The following SLC35F1 variants were observed in gnomAD, a reference collection of about 807,000 sequenced individuals.
SLC35F1 encodes the protein solute carrier family 35 member F1.
Under a neutral mutation model 48.7 loss-of-function variants are expected in SLC35F1, and 14 were observed. The observed-to-expected ratio is 0.29, with a 90% CI of 0.19 to 0.45. SLC35F1 has a LOEUF of 0.45. Ranked by LOEUF, SLC35F1 falls within the 20% of genes least tolerant of loss-of-function variation. SLC35F1 has a pLI of 1.00. For missense variants in SLC35F1, 404 were observed against 500.0 expected (o/e 0.81, Z 1.83); for synonymous variants, 190 against 202.2 (o/e 0.94, Z 0.51).
chr6:117,972,938 A>G (rs1776661830), intron 1 of SLC35F1, among the ~76,000 whole-genome samples: 2 of 152,254 alleles, frequency 1.3e-5, no homozygotes, highest in Admixed American at 1.3e-4. Context: ...GATAAATGTT[A>G]AAATTGTGGA....
chr6:118,247,020 A>C (rs1238114803), intron 3 of SLC35F1, among the ~76,000 whole-genome samples: 5 of 152,204 alleles, frequency 3.3e-5, no homozygotes, highest in African/African-American at 1.2e-4. Context: ...CACATAGTAG[A>C]TGCTCAATAA....
intron 1 of SLC35F1, among the ~76,000 whole-genome samples, chr6:118,134,700 G>A (rs1233787548): frequency 6.6e-6 from 1 of 152,120 alleles, no homozygotes; most frequent in African/African-American, 2.4e-5. Flanking sequence ...GCCTTTTTAG[G>A]GGCATGGAGC....
chr6:118,003,322 T>G (rs906809518), intron 1 of SLC35F1, among the ~76,000 whole-genome samples: 4 of 152,218 alleles, frequency 2.6e-5, no homozygotes, highest in Non-Finnish European at 4.4e-5. Context: ...GGATTGTTTA[T>G]GAGATTCTAT....
At chr6:118,043,437 A>C (rs1480694268) in intron 1 of SLC35F1, among the ~76,000 whole-genome samples, 1 of 150,458 alleles carries the variant, frequency 6.6e-6, no homozygotes, top group African/African-American at 2.4e-5. Flanking sequence ...TTTTTTTTGC[A>C]ATTTATGTAG....
intron 2 of SLC35F1, among the ~76,000 whole-genome samples, chr6:118,190,129 G>T (rs952700138): frequency 1.3e-5 from 2 of 152,146 alleles, no homozygotes; most frequent in African/African-American, 4.8e-5. Flanking sequence ...TTGAGAGACT[G>T]ACCAAAATGT....
chr6:118,003,277 G>A lies in SLC35F1; in HGVS notation c.173+95378G>A, dbSNP rs146305289. Among the ~76,000 whole-genome samples, 158 of 152,320 alleles carry A rather than the reference G, an allele frequency of 1.0e-3. 2 individuals carry two copies. In the East Asian group the frequency reaches 0.027, roughly 26 times the overall value. On this transcript the variant is annotated intron_variant, in intron 1 of 7. Coordinates refer to ENST00000360388, the MANE Select transcript of SLC35F1 (RefSeq NM_001029858.4). ...GCTTAGGACTGTCTGAAGAGGTTAA[G>A]ATAACTCTTCCAGCAAATCCAAAAT... is the stretch of plus-strand genomic sequence containing the variant.
intron 1 of SLC35F1, among the ~76,000 whole-genome samples, chr6:118,031,229 C>G (rs868242469): frequency 2.6e-5 from 4 of 152,178 alleles, no homozygotes; most frequent in Middle Eastern, 3.4e-3. Context: ...GTTTCTTTAT[C>G]CCTTACATCT....
chr6:118,225,911 A>T (rs1241618572), intron 2 of SLC35F1, among the ~76,000 whole-genome samples: 5 of 150,878 alleles, frequency 3.3e-5, no homozygotes, highest in Non-Finnish European at 7.4e-5. Flanking sequence ...CAAAGGAAAC[A>T]ATTAACAAAG....
At chr6:118,268,719 C>G (rs1290047660) in intron 4 of SLC35F1, among the ~76,000 whole-genome samples, 1 of 150,584 alleles carries the variant, frequency 6.6e-6, no homozygotes, top group South Asian at 2.1e-4. Context: ...AAGTGATTCC[C>G]CTGCCTCAGC....
At chr6:118,204,581 A>T (rs1774911066) in intron 2 of SLC35F1, among the ~76,000 whole-genome samples, 1 of 152,174 alleles carries the variant, frequency 6.6e-6, no homozygotes, top group East Asian at 1.9e-4. Flanking sequence ...CTCAAAAGTG[A>T]CTTACCTACT....
At chr6:118,232,548 CAAAAAAAAAA>C (rs771123566) in intron 2 of SLC35F1, among the ~76,000 whole-genome samples, 2 of 50,698 alleles carry the variant, frequency 3.9e-5, no homozygotes, top group African/African-American at 6.6e-5. Flanking sequence ...AACTCCATCC[CAAAAAAAAAA>C]AAAAAAAAAA....
chr6:118,155,979 T>G (rs1774134270), intron 2 of SLC35F1, among the ~76,000 whole-genome samples: 1 of 152,210 alleles, frequency 6.6e-6, no homozygotes, highest in Admixed American at 6.5e-5. Context: ...ATAGGAGGAA[T>G]AAATATGAAC....
chr6:118,080,467 C>T (rs1269666410), intron 1 of SLC35F1, among the ~76,000 whole-genome samples: 1 of 152,134 alleles, frequency 6.6e-6, no homozygotes, highest in Admixed American at 6.5e-5. Flanking sequence ...CAGAACACAT[C>T]ATGGCTAAAG....
At chr6:117,958,900 C>T (rs1776460157) in intron 1 of SLC35F1, among the ~76,000 whole-genome samples, 1 of 152,292 alleles carries the variant, frequency 6.6e-6, no homozygotes, top group Non-Finnish European at 1.5e-5. Flanking sequence ...TAGTAAAATA[C>T]TCATTCATTT....
Position 118,235,484 on chromosome 6 carries a change from A to G in SLC35F1, c.350-25A>G, listed in dbSNP as rs781766055. The G allele has an allele frequency of 5.0e-6, 8 of 1,607,042 alleles. No individual in the cohort carries two copies. The South Asian group carries it at 8.9e-5, about 18-fold the overall frequency. ...TTATTCTATTTCAGGAACCTAACCCATTTCTTCTTAACTTTGTAACACAGG... is the reference window on the plus strand; with the variant it reads ...TTATTCTATTTCAGGAACCTAACCCGTTTCTTCTTAACTTTGTAACACAGG... On this transcript the variant is annotated intron_variant, in intron 2 of 7. Transcript: ENST00000360388.
At chr6:118,057,210 T>G (rs750257678) in intron 1 of SLC35F1, among the ~76,000 whole-genome samples, 10 of 152,202 alleles carry the variant, frequency 6.6e-5, no homozygotes, top group African/African-American at 1.9e-4. Context: ...TTAGTTTGAT[T>G]AGTGTTTACT....
At chr6:118,187,519 C>T (rs1023738595) in intron 2 of SLC35F1, among the ~76,000 whole-genome samples, 2 of 152,196 alleles carry the variant, frequency 1.3e-5, no homozygotes, top group Non-Finnish European at 2.9e-5. Context: ...GGAATGTACA[C>T]TTTGCTCTGT....
At chr6:118,218,038 T>G (rs151094522) in intron 2 of SLC35F1, among the ~76,000 whole-genome samples, 1 of 152,302 alleles carries the variant, frequency 6.6e-6, no homozygotes, top group East Asian at 1.9e-4. Context: ...TGGCCTGATC[T>G]TCATTCCAAA....
rs535934530 is a variant in SLC35F1 at position 118,298,281 on chromosome 6, G to A, written c.1002+12943G>A. 7.2e-5 allele frequency among the ~76,000 whole-genome samples: 11 copies of A among 152,178 alleles called. 1 individual carries two copies. The highest frequency in any genetic ancestry group is 6.5e-4 in the Admixed American group (10 of 15,290). On this transcript the variant is annotated intron_variant, in intron 7 of 7. Coordinates refer to ENST00000360388, the MANE Select transcript of SLC35F1 (RefSeq NM_001029858.4). ...TGAGTCACTGGATTTTATCATTTAA[G>A]GAGTTGTGTGACTTCCTTTTCAAAA... is the stretch of plus-strand genomic sequence containing the variant.
Sources: allele counts gnomAD v4.1 joint callset (sites outside exome capture counted in the v4.1 genomes callset), GRCh38; gene constraint gnomAD v4.1.1; transcripts MANE v1.5; gene names NCBI Gene and HGNC (gene_info 2026-07-23, HGNC 2026-07-21).